Variants in CD96 observed in about 807,000 individuals in gnomAD.
CD96 encodes T-cell surface protein tactile.
In CD96, 70 loss-of-function variants were observed where a neutral mutation model predicts 71.3. The observed-to-expected ratio is 0.98, with a 90% CI of 0.81 to 1.20. CD96 has a LOEUF of 1.20. Ranked by LOEUF, CD96 falls within the 50% of genes most tolerant of loss-of-function variation. CD96 has a pLI of 0.00. For synonymous variants in CD96, 248 were observed against 233.0 expected, an observed-to-expected ratio of 1.06 and a Z score of -0.59; for missense variants, 742 against 677.5, an observed-to-expected ratio of 1.10 and a Z score of -1.06.
At chr3:111,665,597 T>A (rs777463876) in exon 15 of CD96, 2 of 152,140 alleles carry the variant, frequency 1.3e-5, no homozygotes, top group African/African-American at 4.8e-5. Flanking sequence ...GCCCTTTGAT[T>A]TTCCCAAAAC....
chr3:111,550,067 A>G (rs111854959), intron 2 of CD96, among the ~76,000 whole-genome samples: 42 of 152,286 alleles, frequency 2.8e-4, no homozygotes, highest in African/African-American at 9.9e-4. Context: ...TCTTCAGAGG[A>G]TAATGAAGAG....
chr3:111,610,929 T>C (rs1393214556), intron 8 of CD96, among the ~76,000 whole-genome samples: 1 of 152,194 alleles, frequency 6.6e-6, no homozygotes. Flanking sequence ...CTCATAAGTA[T>C]GGAGCGCCTA....
At position 111,579,096 on chromosome 3, in the gene CD96, G is replaced by C. The variant is rs1457733319; in HGVS notation, c.613G>C (p.Asp205His). 1 of 1,607,262 alleles carries C rather than the reference G, an allele frequency of 6.2e-7. No individual in the cohort carries two copies. Among genetic ancestry groups the C allele is most frequent in the South Asian group, 1.1e-5 (1 of 90,938 alleles). ...CATCAGCAATTCCACATTACTTAAA[G>C]ATAGAGTCAAGCTTGGTACAGACTA... ...HLISNSTLLK[D>H]RVKLGTDYRL... is the part of the protein sequence containing the mutation. Residue 205 changes from aspartate (D) to histidine (H), a missense_variant, in exon 4 of 14, where the codon GAT becomes CAT. Coordinates refer to ENST00000352690, the MANE Select transcript of CD96 (RefSeq NM_005816.5).
In CD96 at chr3:111,545,088, C is replaced by T; in HGVS notation, c.104C>T (p.Ala35Val). 2 of 1,614,136 alleles carry T rather than the reference C, an allele frequency of 1.2e-6. No individual in the cohort carries two copies. Among genetic ancestry groups the T allele is most frequent in the Non-Finnish European group, 1.7e-6 (2 of 1,180,016 alleles). The change falls in exon 2 of 14, where the codon GCT (alanine) becomes GTT (valine). Residue 35 changes from alanine to valine, a missense_variant. Transcript: ENST00000352690. ...KTVNTEENVY[A>V]TLGSDVNLTC... ...GTCAACACAGAAGAAAATGTTTATG[C>T]TACACTTGGCTCTGATGTCAACCTG...
intron 4 of CD96, among the ~76,000 whole-genome samples, chr3:111,580,708 A>G (rs1189898456): frequency 6.7e-6 from 1 of 150,020 alleles, no homozygotes; most frequent in Non-Finnish European, 1.5e-5. Context: ...CTTTCTCTTC[A>G]TCTCTCCTCA....
chr3:111,542,877 T>C (rs1475633012), intron 1 of CD96, among the ~76,000 whole-genome samples: 4 of 152,214 alleles, frequency 2.6e-5, no homozygotes, highest in Non-Finnish European at 5.9e-5. Flanking sequence ...AATGGGCCTA[T>C]TTAAAAAGAG....
At chr3:111,545,459 T>G in intron 2 of CD96, 57 bp downstream of exon 2, 1 of 1,180,868 alleles carries the variant, frequency 8.5e-7, no homozygotes, top group Non-Finnish European at 1.3e-6. Flanking sequence ...ATTCAACAAA[T>G]GTACATTTTA....
intron 12 of CD96, among the ~76,000 whole-genome samples, chr3:111,646,459 T>A (rs1939830760): frequency 6.6e-6 from 1 of 151,090 alleles, no homozygotes; most frequent in Non-Finnish European, 1.5e-5. Flanking sequence ...AAGCTCAAAA[T>A]CACTAATCAC....
intron 12 of CD96, among the ~76,000 whole-genome samples, chr3:111,642,865 G>A (rs961134600): frequency 6.6e-6 from 1 of 151,514 alleles, no homozygotes; most frequent in East Asian, 1.9e-4. Context: ...AGGCCCAGAT[G>A]GATTAACAGC....
downstream of CD96, among the ~76,000 whole-genome samples, chr3:111,656,897 T>A (rs1940242843): frequency 6.6e-6 from 1 of 151,652 alleles, no homozygotes; most frequent in Non-Finnish European, 1.5e-5. Flanking sequence ...GAAGGAAGAG[T>A]GTGACGGATA....
chr3:111,626,089 G>T (rs370696578), intron 10 of CD96, among the ~76,000 whole-genome samples: 1 of 152,018 alleles, frequency 6.6e-6, no homozygotes, highest in Non-Finnish European at 1.5e-5. Context: ...GGATCACGAG[G>T]TCAGGAGATC....
chr3:111,608,628 C>A (rs574389546), intron 8 of CD96, among the ~76,000 whole-genome samples: 1 of 152,270 alleles, frequency 6.6e-6, no homozygotes, highest in African/African-American at 2.4e-5. Flanking sequence ...GTGTTATGAC[C>A]AAATTTAGTT....
Position 111,579,107 on chromosome 3 carries a change from G to A in CD96, c.624G>A (p.Lys208=). ...SNSTLLKDRV[K]LGTDYRLHLS... Reference sequence around the variant, plus strand: ...CCACATTACTTAAAGATAGAGTCAAGCTTGGTACAGACTACAGACTCCACC... The same window carrying A: ...CCACATTACTTAAAGATAGAGTCAAACTTGGTACAGACTACAGACTCCACC... Residue 208 remains lysine (K), a synonymous_variant, in exon 4 of 14, where the codon AAG becomes AAA. Transcript: ENST00000352690. The A allele has an allele frequency of 6.2e-7, 1 of 1,602,778 alleles. No individual in the cohort carries two copies. Among genetic ancestry groups the A allele is most frequent in the South Asian group, 1.1e-5 (1 of 90,862 alleles).
intron 3 of CD96, among the ~76,000 whole-genome samples, chr3:111,576,498 C>T (rs1936227950): frequency 6.6e-6 from 1 of 152,158 alleles, no homozygotes; most frequent in South Asian, 2.1e-4. Flanking sequence ...GTAGATACTT[C>T]AGAAAGGTTT....
intron 5 of CD96, chr3:111,594,132 CCTT>C (rs1937140291): frequency 6.2e-7 from 1 of 1,613,830 alleles, no homozygotes; most frequent in Non-Finnish European, 8.5e-7. Context: ...TCTTCCTCCT[CCTT>C]CATCTCTAAG....
chr3:111,556,202 ACTT>A (rs1466894779), intron 2 of CD96, among the ~76,000 whole-genome samples: 10 of 150,808 alleles, frequency 6.6e-5, no homozygotes, highest in South Asian at 6.2e-4. Flanking sequence ...ACTAATAACA[ACTT>A]CTTTTTTTTT....
At chr3:111,569,180 C>A (rs1476131914) in intron 3 of CD96, among the ~76,000 whole-genome samples, 1 of 151,990 alleles carries the variant, frequency 6.6e-6, no homozygotes, top group African/African-American at 2.4e-5. Context: ...TGGGTTTGTG[C>A]CAAACCCAAA....
At chr3:111,563,904 T>G (rs1167107798) in intron 2 of CD96, among the ~76,000 whole-genome samples, 2 of 152,198 alleles carry the variant, frequency 1.3e-5, no homozygotes, top group African/African-American at 4.8e-5. Flanking sequence ...TGTGTAACTC[T>G]AACATCTTTC....
In CD96 at chr3:111,548,438, G is replaced by A. The variant is rs929348680; in HGVS notation, c.418+3036G>A. On this transcript the variant is annotated intron_variant, in intron 2 of 13. Coordinates refer to ENST00000352690, the MANE Select transcript of CD96 (RefSeq NM_005816.5). ...ACAGTGTGAGGTTTGCCTCTTTTTC[G>A]CTTTCACTTGACAGAGTTTCCTCCT... is the stretch of plus-strand genomic sequence containing the variant. 3.3e-5 allele frequency among the ~76,000 whole-genome samples: 5 copies of A among 152,036 alleles called. 1 individual carries two copies. Among genetic ancestry groups the A allele is most frequent in the Admixed American group, 2.0e-4 (3 of 15,260 alleles).
Sources: gnomAD v4.1 joint callset for allele counts (sites outside exome capture counted in the v4.1 genomes callset) on GRCh38, gnomAD v4.1.1 for gene constraint, MANE v1.5 for transcripts, NCBI Gene and HGNC (gene_info 2026-07-23, HGNC 2026-07-21) for gene names.